The following GCNT2 variants were observed in gnomAD, a reference collection of about 807,000 sequenced individuals.
GCNT2 encodes the protein glucosaminyl (N-acetyl) transferase 2 (I blood group).
In GCNT2, 34 loss-of-function variants were observed where a neutral mutation model predicts 34.2. The ratio of observed to expected loss-of-function variants is 1.00; its 90% CI spans 0.76 to 1.32. GCNT2 has a LOEUF of 1.32. Ranked by LOEUF, GCNT2 falls within the 40% of genes most tolerant of loss-of-function variation. The pLI, the probability that GCNT2 is intolerant of heterozygous loss-of-function variation, is 0.00. For synonymous variants in GCNT2, 212 were observed against 188.0 expected, an observed-to-expected ratio of 1.13 and a Z score of -1.04; for missense variants, 584 against 489.4, an observed-to-expected ratio of 1.19 and a Z score of -1.82.
intron 3 of GCNT2, among the ~76,000 whole-genome samples, chr6:10,575,468 T>G (rs1763765958): frequency 6.6e-6 from 1 of 151,852 alleles, no homozygotes; most frequent in Admixed American, 6.6e-5. Context: ...TTCAAGAGAT[T>G]CTCCTGCCTC....
At chr6:10,562,666 A>C (rs1450936166) in intron 3 of GCNT2, among the ~76,000 whole-genome samples, 6 of 150,750 alleles carry the variant, frequency 4.0e-5, no homozygotes, top group Non-Finnish European at 7.4e-5. Flanking sequence ...GAAAAAAAAA[A>C]AAAAAAAAAA....
At chr6:10,565,969 G>A (rs1763262605) in intron 3 of GCNT2, among the ~76,000 whole-genome samples, 1 of 152,094 alleles carries the variant, frequency 6.6e-6, no homozygotes, top group South Asian at 2.1e-4. Flanking sequence ...ACGGTGTATG[G>A]ATAGCATCCC....
chr6:10,589,333 AGT>A (rs959434993), intron 3 of GCNT2, among the ~76,000 whole-genome samples: 5 of 98,030 alleles, frequency 5.1e-5, no homozygotes, highest in South Asian at 3.0e-4. Context: ...GTGTGTTTGT[AGT>A]GTGTGTGTAG....
chr6:10,568,779 A>C (rs575756544), intron 3 of GCNT2, among the ~76,000 whole-genome samples: 11 of 152,190 alleles, frequency 7.2e-5, no homozygotes, highest in Non-Finnish European at 1.5e-4. Flanking sequence ...CATGCCTGTA[A>C]TCCTGCCATA....
intron 3 of GCNT2, among the ~76,000 whole-genome samples, chr6:10,593,970 A>C (rs1465623078): frequency 6.6e-6 from 1 of 152,220 alleles, no homozygotes; most frequent in Non-Finnish European, 1.5e-5. Context: ...ACTGAGCCTT[A>C]GTTTACTCAT....
At chr6:10,586,239 A>T in intron 3 of GCNT2, 1 of 1,614,164 alleles carries the variant, frequency 6.2e-7, no homozygotes, top group Non-Finnish European at 8.5e-7. Context: ...GAATCACTAC[A>T]TCACAAGTCC....
chr6:10,580,270 C>CGG (rs1764011510), intron 3 of GCNT2, among the ~76,000 whole-genome samples: 5 of 150,094 alleles, frequency 3.3e-5, no homozygotes, highest in African/African-American at 1.3e-4. Context: ...TGCCAGGGGT[C>CGG]AGGGGGGTGG....
At chr6:10,531,555 G>A (rs1321679188) in intron 3 of GCNT2, among the ~76,000 whole-genome samples, 3 of 152,182 alleles carry the variant, frequency 2.0e-5, no homozygotes, top group Non-Finnish European at 4.4e-5. Flanking sequence ...GTAAACCATT[G>A]CAGGTGCTTG....
chr6:10,612,541 TA>T (rs748524949), intron 3 of GCNT2, among the ~76,000 whole-genome samples: 2 of 152,122 alleles, frequency 1.3e-5, no homozygotes, highest in African/African-American at 4.8e-5. Flanking sequence ...TAGATTATAG[TA>T]AAAAAAGCGG....
At chr6:10,574,247 G>A (rs553195059) in intron 3 of GCNT2, among the ~76,000 whole-genome samples, 27 of 152,224 alleles carry the variant, frequency 1.8e-4, no homozygotes, top group African/African-American at 6.5e-4. Context: ...TCCACTCATG[G>A]GTTCCTTGTT....
At chr6:10,558,764 C>G (rs754665654) in intron 3 of GCNT2, among the ~76,000 whole-genome samples, 1 of 152,234 alleles carries the variant, frequency 6.6e-6, no homozygotes, top group African/African-American at 2.4e-5. Context: ...AATACCATGC[C>G]TGGTGTTTGA....
chr6:10,617,503 C>G (rs1284685873), intron 3 of GCNT2, among the ~76,000 whole-genome samples: 2 of 152,186 alleles, frequency 1.3e-5, no homozygotes, highest in Non-Finnish European at 2.9e-5. Context: ...CAAGTGGGGC[C>G]AGAGTGGGTG....
intron 3 of GCNT2, among the ~76,000 whole-genome samples, chr6:10,578,737 C>T (rs917481357): frequency 2.6e-5 from 4 of 152,098 alleles, no homozygotes; most frequent in African/African-American, 9.7e-5. Flanking sequence ...TGAGCCACTG[C>T]GCCCGGCCCG....
chr6:10,556,524 A>C (rs1319955959), intron 3 of GCNT2: 1 of 1,613,982 alleles, frequency 6.2e-7, no homozygotes, highest in African/African-American at 1.3e-5. Flanking sequence ...CCAAGCTTCC[A>C]AAGGCTAAAT....
At chr6:10,585,370 CTGTA>C (rs1389065802) in intron 3 of GCNT2, among the ~76,000 whole-genome samples, 2 of 151,930 alleles carry the variant, frequency 1.3e-5, no homozygotes, top group African/African-American at 4.8e-5. Context: ...TTATCTGTGT[CTGTA>C]TGTGCCCAGA....
chr6:10,538,115 T>A (rs1032481360), intron 3 of GCNT2, among the ~76,000 whole-genome samples: 2 of 151,578 alleles, frequency 1.3e-5, no homozygotes, highest in Non-Finnish European at 2.9e-5. Flanking sequence ...GTAAAAAAAA[T>A]TATAAGTTGA....
At chr6:10,522,535 G>A (rs149841850) in intron 1 of GCNT2, among the ~76,000 whole-genome samples, 17 of 152,302 alleles carry the variant, frequency 1.1e-4, no homozygotes, top group African/African-American at 4.1e-4. Flanking sequence ...TAGGGAGACT[G>A]TAATCCCAGG....
intron 3 of GCNT2, chr6:10,556,716 T>TA (rs1762724256): frequency 6.2e-7 from 1 of 1,614,106 alleles, no homozygotes; most frequent in Admixed American, 1.7e-5. Context: ...TTGGCATATA[T>TA]AATGGTCATC....
At chr6:10,609,648 T>A (rs1765468370) in intron 3 of GCNT2, among the ~76,000 whole-genome samples, 1 of 152,178 alleles carries the variant, frequency 6.6e-6, no homozygotes, top group Non-Finnish European at 1.5e-5. Flanking sequence ...AAGTGATGGG[T>A]CTGGCCAGGG....
Sources: allele counts gnomAD v4.1 joint callset (sites outside exome capture counted in the v4.1 genomes callset), GRCh38; gene constraint gnomAD v4.1.1; transcripts MANE v1.5; gene names NCBI Gene and HGNC (gene_info 2026-07-23, HGNC 2026-07-21).